The following USP53 variants were observed in gnomAD, a reference collection of about 807,000 sequenced individuals.
USP53 encodes the protein ubiquitin carboxyl-terminal hydrolase 53.
A neutral mutation model predicts 94.9 loss-of-function variants in USP53; 71 were observed. The ratio of observed to expected loss-of-function variants is 0.75; its 90% CI spans 0.62 to 0.91. The LOEUF is 0.91. USP53 is among the 40% of genes least tolerant of loss of function. The pLI is 0.00. For synonymous variants in USP53, 375 were observed against 422.7 expected, an observed-to-expected ratio of 0.89 and a Z score of 1.39; for missense variants, 1,173 against 1,281.0, an observed-to-expected ratio of 0.92 and a Z score of 1.29.
intron 7 of USP53, among the ~76,000 whole-genome samples, chr4:119,254,298 A>G (rs1232316030): frequency 6.6e-6 from 1 of 152,182 alleles, no homozygotes; most frequent in African/African-American, 2.4e-5. Context: ...TCTCCTGGAT[A>G]ATATCCTGCA....
intron 17 of USP53, among the ~76,000 whole-genome samples, chr4:119,278,103 T>G (rs1752904032): frequency 6.6e-6 from 1 of 150,886 alleles, no homozygotes; most frequent in Non-Finnish European, 1.5e-5. Context: ...CATTTACATT[T>G]AAAGTTACTA....
intron 13 of USP53, among the ~76,000 whole-genome samples, chr4:119,268,029 C>T (rs1036096459): frequency 1.4e-4 from 22 of 151,860 alleles, no homozygotes; most frequent in South Asian, 8.3e-4. Context: ...TGGCCGGGCG[C>T]GGTGGCGGGC....
intron 3 of USP53, among the ~76,000 whole-genome samples, chr4:119,227,822 A>T (rs1745529430): frequency 6.6e-6 from 1 of 152,166 alleles, no homozygotes; most frequent in South Asian, 2.1e-4. Context: ...TAACCCCAAA[A>T]TGGAAACAAC....
intron 2 of USP53, 54 bp from the exon 3 acceptor site, chr4:119,217,496 T>G (rs903918213): frequency 9.2e-5 from 14 of 152,234 alleles, no homozygotes; most frequent in African/African-American, 3.4e-4. Context: ...TTTCCTGAGC[T>G]TCCTTTAATA....
chr4:119,268,952 C>T (rs1751509262), intron 14 of USP53, among the ~76,000 whole-genome samples: 1 of 152,150 alleles, frequency 6.6e-6, no homozygotes, highest in African/African-American at 2.4e-5. Context: ...TTTAGAAATA[C>T]ATCTAACTCT....
chr4:119,228,942 G>A (rs1449821796), intron 3 of USP53, among the ~76,000 whole-genome samples: 2 of 152,166 alleles, frequency 1.3e-5, no homozygotes, highest in African/African-American at 4.8e-5. Flanking sequence ...CTACAGTTGC[G>A]TGTGTAAGTA....
At chr4:119,288,926 G>A (rs1247486692) in intron 17 of USP53, among the ~76,000 whole-genome samples, 9 of 122,928 alleles carry the variant, frequency 7.3e-5, no homozygotes, top group Admixed American at 1.9e-4. Context: ...CAACAAGAGC[G>A]AAACTCTGTC....
chr4:119,289,463 T>G (rs989912477), intron 17 of USP53, among the ~76,000 whole-genome samples: 1 of 152,204 alleles, frequency 6.6e-6, no homozygotes, highest in Admixed American at 6.5e-5. Context: ...TGAAAGGGTC[T>G]CGGAGACCTC....
chr4:119,279,636 G>C (rs1356193330), intron 17 of USP53, among the ~76,000 whole-genome samples: 2 of 151,788 alleles, frequency 1.3e-5, no homozygotes, highest in Non-Finnish European at 2.9e-5. Flanking sequence ...CACCCAGTTC[G>C]AGCTTCCTGG....
rs891699715 is a variant in USP53, at chr4:119,239,694, T to G, written c.-66T>G. ...ATTGGACAATTCAAGACATCCATTT[T>G]ATTGTCCAAAATATTACATAAAAGT... is the stretch of plus-strand genomic sequence containing the variant. On this transcript the variant is annotated 5_prime_UTR_variant, in exon 5 of 19. Coordinates refer to ENST00000692078, the MANE Select transcript of USP53 (RefSeq NM_001371395.1). 5.4e-5 allele frequency: 82 copies of G among 1,511,626 alleles called. No individual in the cohort carries two copies. Among genetic ancestry groups the G allele is most frequent in the Non-Finnish European group, 6.9e-5 (78 of 1,126,696 alleles). 93.6% of individuals were successfully genotyped at this position (1,511,626 alleles called of 1,614,324 possible). A position where few individuals can be genotyped will look rare whatever the true frequency, so the allele number is the denominator to read the frequency against.
intron 12 of USP53, among the ~76,000 whole-genome samples, chr4:119,263,192 G>T (rs967333331): frequency 6.6e-6 from 1 of 152,188 alleles, no homozygotes; most frequent in Non-Finnish European, 1.5e-5. Flanking sequence ...TATAGAAATA[G>T]CCATTTCACT....
chr4:119,276,417 A>ATG, intron 17 of USP53, among the ~76,000 whole-genome samples: 2 of 151,010 alleles, frequency 1.3e-5, no homozygotes, highest in Non-Finnish European at 3.0e-5. Flanking sequence ...ATTTGCGTGT[A>ATG]TTGAACCAGC....
At chr4:119,291,957 G>A (rs1455206475) in intron 18 of USP53, among the ~76,000 whole-genome samples, 1 of 152,164 alleles carries the variant, frequency 6.6e-6, no homozygotes, top group Non-Finnish European at 1.5e-5. Flanking sequence ...AGTTTGGAAT[G>A]TTGGTGGGGA....
chr4:119,271,605 G>A lies in USP53; in HGVS notation c.1745G>A (p.Arg582Gln), dbSNP rs375322012. Residue 582 changes from arginine (R) to glutamine (Q), a missense_variant, in exon 16 of 19, where the codon CGA becomes CAA. Physicochemically the swap from Arg to Gln is conservative, Grantham distance 43. Transcript: ENST00000692078. ...GATAGCAGCAGTAAAAGCCGGAACCGAGGTTGGAAACCTATGAGAGAAACA... is the reference window on the plus strand; with the variant it reads ...GATAGCAGCAGTAAAAGCCGGAACCAAGGTTGGAAACCTATGAGAGAAACA... ...SCDSSSKSRN[R>Q]GWKPMRETLN... 55 of 1,613,636 alleles carry A rather than the reference G, an allele frequency of 3.4e-5. No homozygotes were observed. Among genetic ancestry groups the A allele is most frequent in the Middle Eastern group, 3.3e-4 (2 of 6,084 alleles).
chr4:119,231,760 C>A (rs1200319293), intron 3 of USP53, among the ~76,000 whole-genome samples: 6 of 152,062 alleles, frequency 3.9e-5, no homozygotes, highest in African/African-American at 1.5e-4. Flanking sequence ...TTGTCCTCTG[C>A]CAGTGGAGTC....
chr4:119,278,565 GACA>G (rs1453213144), intron 17 of USP53, among the ~76,000 whole-genome samples: 2 of 131,294 alleles, frequency 1.5e-5, no homozygotes, highest in African/African-American at 5.6e-5. Flanking sequence ...TGGTGAATCT[GACA>G]ATTATGTGTC....
In USP53 at chr4:119,292,728, A is replaced by G. The variant is rs1172778610; in HGVS notation, c.2739A>G (p.Pro913=). 2.5e-6 allele frequency: 4 copies of G among 1,614,092 alleles called. No individual in the cohort carries two copies. In the Admixed American group the frequency reaches 5.0e-5, roughly 20 times the overall value. Residue 913 remains proline (P), a synonymous_variant, in exon 19 of 19, where the codon CCA becomes CCG. Transcript: ENST00000692078. ...SASRSDGCQM[P]KLFCQNLPPP... is the part of the protein sequence containing the mutation. ...GCAGATCTGATGGGTGTCAGATGCC[A>G]AAACTTTTTTGCCAGAATCTACCAC... is the stretch of plus-strand genomic sequence containing the variant.
chr4:119,268,139 A>C (rs917363886), intron 13 of USP53, 129 bp from the exon 14 acceptor site: 9 of 902,758 alleles, frequency 1.0e-5, no homozygotes, highest in Admixed American at 9.9e-5. Flanking sequence ...TGCAGTCCGC[A>C]GTCCGGCCTG....
chr4:119,284,766 T>C (rs1406019278), intron 17 of USP53, among the ~76,000 whole-genome samples: 1 of 151,924 alleles, frequency 6.6e-6, no homozygotes, highest in Non-Finnish European at 1.5e-5. Flanking sequence ...TTTTGTTATG[T>C]ATATTTTACC....
Sources: allele counts gnomAD v4.1 joint callset (sites outside exome capture counted in the v4.1 genomes callset), GRCh38; gene constraint gnomAD v4.1.1; transcripts MANE v1.5; gene names NCBI Gene and HGNC (gene_info 2026-07-23, HGNC 2026-07-21).